ACTL8: variants seen among roughly 807,000 people sequenced by gnomAD.
ACTL8 encodes actin like 8.
A neutral mutation model predicts 9.3 loss-of-function variants in ACTL8; 3 were observed. The ratio of observed to expected loss-of-function variants is 0.32; its 90% CI spans 0.15 to 0.83. The LOEUF (loss-of-function observed/expected upper bound fraction) is 0.83, where lower values mean the gene tolerates loss of function less well. Among genes scored for constraint, ACTL8 ranks in the 40% least tolerant of loss-of-function variants. The pLI, the probability that ACTL8 is intolerant of heterozygous loss-of-function variation, is 0.57. For missense variants in ACTL8, 381 were observed against 492.2 expected (o/e 0.77, Z 2.14); for synonymous variants, 224 against 205.9 (o/e 1.09, Z -0.75).
intron 1 of ACTL8, among the ~76,000 whole-genome samples, chr1:17,790,593 C>T (rs2066231866): frequency 6.6e-6 from 1 of 152,196 alleles, no homozygotes; most frequent in African/African-American, 2.4e-5. Context: ...CCATGGGCAC[C>T]CATGGGCGGG....
chr1:17,825,858 T>A lies in ACTL8; in HGVS notation c.440T>A (p.Val147Glu), dbSNP rs746298087. The A allele has an allele frequency of 6.2e-7, 1 of 1,613,896 alleles. No homozygotes were observed. Among genetic ancestry groups the A allele is most frequent in the African/African-American group, 1.3e-5 (1 of 74,940 alleles). Residue 147 changes from valine to glutamate, a missense_variant, in exon 3 of 3, where the codon GTG becomes GAG. Around this residue, in one of 3 missense-constraint regions of ACTL8, gnomAD observed 13 missense variants for 35.4 expected, o/e 0.37. Transcript: ENST00000375406. ...GCCTCTGGCCTCCTGACCGGAGTGG[T>A]GGTTGATTCTGGCTATGGCCTGACC... ...LYASGLLTGV[V>E]VDSGYGLTRV...
chr1:17,774,814 G>A (rs2066108017), intron 1 of ACTL8, among the ~76,000 whole-genome samples: 1 of 152,152 alleles, frequency 6.6e-6, no homozygotes, highest in Non-Finnish European at 1.5e-5. Flanking sequence ...CGCTGGAAGA[G>A]GGCTGAGGGC....
intron 1 of ACTL8, among the ~76,000 whole-genome samples, chr1:17,772,671 G>A (rs572084736): frequency 4.6e-5 from 7 of 152,316 alleles, no homozygotes; most frequent in Non-Finnish European, 1.0e-4. Flanking sequence ...TTGAACGAGA[G>A]GGGAGCAGTG....
intron 1 of ACTL8, among the ~76,000 whole-genome samples, chr1:17,821,889 G>A (rs2053665263): frequency 6.6e-6 from 1 of 152,194 alleles, no homozygotes; most frequent in African/African-American, 2.4e-5. Flanking sequence ...GCCTCCCAAA[G>A]TGCTGAGATT....
intron 1 of ACTL8, among the ~76,000 whole-genome samples, chr1:17,818,843 G>A (rs2053620495): frequency 1.3e-5 from 2 of 152,224 alleles, no homozygotes; most frequent in Admixed American, 6.5e-5. Context: ...TTCTTTCTTA[G>A]TAGAATGTAA....
chr1:17,781,791 C>T (rs773120519), intron 1 of ACTL8, among the ~76,000 whole-genome samples: 2 of 152,092 alleles, frequency 1.3e-5, no homozygotes, highest in Non-Finnish European at 2.9e-5. Context: ...ATACATTTCC[C>T]CTGGAAAGAC....
chr1:17,823,297 C>G lies in ACTL8; in HGVS notation c.289C>G (p.Pro97Ala), dbSNP rs115398046. ...CCACAGACGGGAGCAAGAGGTCCCC[C>G]CTGTGATCATCACGGAGACACCCTT... ...ENHRREQEVPPVIITETPLRE... is the reference protein window; with the variant it reads ...ENHRREQEVPAVIITETPLRE... Residue 97 changes from proline (P) to alanine (A), a missense_variant, in exon 2 of 3, where the codon CCT becomes GCT. Physicochemically the swap from Pro to Ala is conservative, Grantham distance 27. Around this residue, in one of 3 missense-constraint regions of ACTL8, gnomAD observed 125 missense variants for 180.7 expected, o/e 0.69. Transcript: ENST00000375406. This position sits in a 1 kb window ranked among gnomAD's most constrained non-coding sequence, Gnocchi z 5.3. 96 of 1,614,118 alleles carry G rather than the reference C, an allele frequency of 5.9e-5. No homozygotes were observed. The highest frequency in any genetic ancestry group is 2.4e-4 in the South Asian group (22 of 91,072).
At chr1:17,763,546 G>T (rs1248476027) in intron 1 of ACTL8, among the ~76,000 whole-genome samples, 1 of 152,162 alleles carries the variant, frequency 6.6e-6, no homozygotes, top group African/African-American at 2.4e-5. Context: ...CCTGCCTCCA[G>T]CCTGGAAGGA....
chr1:17,764,412 C>T (rs997839258), intron 1 of ACTL8, among the ~76,000 whole-genome samples: 1 of 152,212 alleles, frequency 6.6e-6, no homozygotes, highest in Non-Finnish European at 1.5e-5. Flanking sequence ...TAAAGTCAGC[C>T]TGAAAACTGG....
At chr1:17,812,456 G>T (rs1158655517) in intron 1 of ACTL8, among the ~76,000 whole-genome samples, 10 of 134,916 alleles carry the variant, frequency 7.4e-5, no homozygotes, top group African/African-American at 2.8e-4. Flanking sequence ...TTGAGACGGA[G>T]TCTCACTCTG....
chr1:17,771,103 T>C (rs2066080144), intron 1 of ACTL8, among the ~76,000 whole-genome samples: 1 of 152,202 alleles, frequency 6.6e-6, no homozygotes, highest in South Asian at 2.1e-4. Context: ...AAGACCAGAT[T>C]GTAAACATTT....
chr1:17,789,104 G>A (rs2066219667), intron 1 of ACTL8, among the ~76,000 whole-genome samples: 1 of 152,222 alleles, frequency 6.6e-6, no homozygotes, highest in Non-Finnish European at 1.5e-5. Context: ...ATATTAAGAA[G>A]GCAGTGCATG....
At chr1:17,790,146 A>T (rs190748124) in intron 1 of ACTL8, among the ~76,000 whole-genome samples, 1 of 152,354 alleles carries the variant, frequency 6.6e-6, no homozygotes, top group African/African-American at 2.4e-5. Context: ...TACCACAAGC[A>T]GCTTCCACGG....
At chr1:17,800,253 C>A (rs2066310904) in intron 1 of ACTL8, among the ~76,000 whole-genome samples, 1 of 152,192 alleles carries the variant, frequency 6.6e-6, no homozygotes, top group African/African-American at 2.4e-5. Flanking sequence ...CCATACAAGT[C>A]TTGAGCATCT....
intron 1 of ACTL8, among the ~76,000 whole-genome samples, chr1:17,806,582 G>C (rs1412743765): frequency 6.6e-6 from 1 of 152,236 alleles, no homozygotes; most frequent in Admixed American, 6.5e-5. Context: ...AGCAGAAGAG[G>C]CCTGTAGCAG....
chr1:17,784,026 G>A (rs2102684706), intron 1 of ACTL8, among the ~76,000 whole-genome samples: 1 of 152,302 alleles, frequency 6.6e-6, no homozygotes, highest in East Asian at 1.9e-4. Context: ...TGTGATATGG[G>A]AATCGTATTA....
intron 1 of ACTL8, among the ~76,000 whole-genome samples, chr1:17,793,295 C>G (rs936460273): frequency 6.6e-6 from 1 of 152,190 alleles, no homozygotes; most frequent in Non-Finnish European, 1.5e-5. Context: ...CTGGAGCCCT[C>G]TTACTCTTGC....
chr1:17,795,711 G>A lies in ACTL8; in HGVS notation c.-24-27274G>A, dbSNP rs2066272087. Among the ~76,000 whole-genome samples, 11 of 152,178 alleles carry A rather than the reference G, an allele frequency of 7.2e-5. No homozygotes were observed. The South Asian group carries it at 2.3e-3, about 31-fold the overall frequency. ...GGGGGTCCCGCGTCAATCACTAGAG[G>A]TTAGATAGGTGCAGAAATGGGGTAC... On this transcript the variant is annotated intron_variant, in intron 1 of 2. Transcript: ENST00000375406.
intron 1 of ACTL8, among the ~76,000 whole-genome samples, chr1:17,769,063 C>CTG: frequency 6.6e-6 from 1 of 152,268 alleles, no homozygotes; most frequent in South Asian, 2.1e-4. Flanking sequence ...TGGACAAAGT[C>CTG]ACATAGTGAG....
Sources: allele counts gnomAD v4.1 joint callset (sites outside exome capture counted in the v4.1 genomes callset), GRCh38; gene constraint gnomAD v4.1.1; regional missense constraint gnomAD v4.1.1; non-coding constraint Gnocchi (gnomAD v3.1); transcripts MANE v1.5; gene names NCBI Gene and HGNC (gene_info 2026-07-23, HGNC 2026-07-21).